RIMS2: variants seen among roughly 807,000 people sequenced by gnomAD.
The protein encoded by RIMS2 is regulating synaptic membrane exocytosis 2, also known as regulating synaptic membrane exocytosis protein 2.
RIMS2 carries 59 observed loss-of-function variants against 174.4 expected under a neutral mutation model. The observed-to-expected ratio is 0.34, with a 90% CI of 0.27 to 0.42. The LOEUF (loss-of-function observed/expected upper bound fraction) is 0.42, where lower values mean the gene tolerates loss of function less well. RIMS2 is among the 10% of genes least tolerant of loss of function. The pLI, the probability that RIMS2 is intolerant of heterozygous loss-of-function variation, is 1.00. For missense variants in RIMS2, 1,620 were observed against 1,666.3 expected (o/e 0.97, Z 0.48); for synonymous variants, 606 against 572.5 (o/e 1.06, Z -0.84).
intron 3 of RIMS2, among the ~76,000 whole-genome samples, chr8:103,857,455 T>G (rs2099034153): frequency 6.6e-6 from 1 of 152,112 alleles, no homozygotes; most frequent in Non-Finnish European, 1.5e-5. Context: ...TATTTAATAT[T>G]GTATTTATTT....
chr8:103,565,830 G>T (rs1319846147), intron 1 of RIMS2, among the ~76,000 whole-genome samples: 1 of 152,176 alleles, frequency 6.6e-6, no homozygotes, highest in East Asian at 1.9e-4. Flanking sequence ...ACCTTTGCGA[G>T]AGAGTTCAAG....
At chr8:104,142,231 G>A (rs1029583079) in intron 19 of RIMS2, among the ~76,000 whole-genome samples, 3 of 150,624 alleles carry the variant, frequency 2.0e-5, no homozygotes, top group Non-Finnish European at 2.9e-5. Flanking sequence ...GGGTTCAAGC[G>A]ATTCTCCTGC....
chr8:103,978,563 A>T (rs187873222), intron 16 of RIMS2, among the ~76,000 whole-genome samples: 1 of 152,256 alleles, frequency 6.6e-6, no homozygotes, highest in Admixed American at 6.5e-5. Context: ...TTGTATGCTC[A>T]TAAGGCCATT....
chr8:103,906,331 G>A (rs752535729), intron 4 of RIMS2, among the ~76,000 whole-genome samples: 2 of 152,080 alleles, frequency 1.3e-5, no homozygotes, highest in African/African-American at 2.4e-5. Flanking sequence ...TGCAACCTCC[G>A]CCTTCCGGGT....
At chr8:103,994,724 A>G (rs1445754142) in intron 17 of RIMS2, among the ~76,000 whole-genome samples, 1 of 152,124 alleles carries the variant, frequency 6.6e-6, no homozygotes, top group Non-Finnish European at 1.5e-5. Context: ...ATGAGTTTTT[A>G]TAGTTTTCAA....
At chr8:103,639,655 T>A (rs2096180023) in intron 1 of RIMS2, among the ~76,000 whole-genome samples, 1 of 151,990 alleles carries the variant, frequency 6.6e-6, no homozygotes, top group Non-Finnish European at 1.5e-5. Flanking sequence ...TAGTATTCTC[T>A]TGTATGGATT....
At chr8:103,864,701 T>C (rs140967142) in intron 3 of RIMS2, among the ~76,000 whole-genome samples, 118 of 152,312 alleles carry the variant, frequency 7.7e-4, no homozygotes, top group African/African-American at 2.6e-3. Flanking sequence ...TTAATTGTAT[T>C]AATTATTCTT....
chr8:103,944,473 G>A (rs1024719258), intron 14 of RIMS2, among the ~76,000 whole-genome samples: 1 of 151,790 alleles, frequency 6.6e-6, no homozygotes, highest in Non-Finnish European at 1.5e-5. Context: ...CTTTTCATTC[G>A]GGACTGGCCT....
chr8:103,967,178 T>A (rs1596007399), intron 15 of RIMS2, among the ~76,000 whole-genome samples: 1 of 124,354 alleles, frequency 8.0e-6, no homozygotes, highest in East Asian at 2.2e-4. Flanking sequence ...TTGTTTTTTT[T>A]TTTTTTTTTT....
intron 3 of RIMS2, among the ~76,000 whole-genome samples, chr8:103,816,834 A>G (rs1007635525): frequency 9.2e-5 from 14 of 152,194 alleles, no homozygotes; most frequent in African/African-American, 2.4e-4. Context: ...TAGTGTTTCC[A>G]TTACTTAGAC....
intron 2 of RIMS2, among the ~76,000 whole-genome samples, chr8:103,761,626 T>G (rs1377511139): frequency 6.6e-6 from 1 of 152,250 alleles, no homozygotes; most frequent in African/African-American, 2.4e-5. Context: ...TATAATTGTA[T>G]GGTCATAGCT....
chr8:104,162,839 G>A (rs1289507795), intron 19 of RIMS2, among the ~76,000 whole-genome samples: 1 of 152,086 alleles, frequency 6.6e-6, no homozygotes, highest in African/African-American at 2.4e-5. Flanking sequence ...AAATTTATAA[G>A]TGCCTTAAGG....
intron 19 of RIMS2, among the ~76,000 whole-genome samples, chr8:104,129,870 A>G (rs2098460499): frequency 6.6e-6 from 1 of 152,182 alleles, no homozygotes; most frequent in Admixed American, 6.5e-5. Flanking sequence ...TACATAGTAG[A>G]TGTACAGATA....
chr8:104,109,839 T>A (rs2098145181), intron 19 of RIMS2, among the ~76,000 whole-genome samples: 1 of 152,196 alleles, frequency 6.6e-6, no homozygotes, highest in Non-Finnish European at 1.5e-5. Context: ...ATAAGGTTTG[T>A]TTCATAGTTT....
At chr8:103,746,119 T>G in intron 2 of RIMS2, among the ~76,000 whole-genome samples, 1 of 152,208 alleles carries the variant, frequency 6.6e-6, no homozygotes, top group East Asian at 1.9e-4. Flanking sequence ...TAAGTTAATT[T>G]TTGTGTATGG....
intron 1 of RIMS2, among the ~76,000 whole-genome samples, chr8:103,660,917 A>G (rs932172460): frequency 9.9e-5 from 15 of 152,218 alleles, no homozygotes; most frequent in Non-Finnish European, 1.9e-4. Context: ...ATAAAAAATG[A>G]AAAGTGCACA....
chr8:103,699,736 C>T (rs1198073417), intron 2 of RIMS2, among the ~76,000 whole-genome samples: 1 of 152,024 alleles, frequency 6.6e-6, no homozygotes, highest in Non-Finnish European at 1.5e-5. Context: ...TAAATGTTCC[C>T]TAAGTACTAC....
intron 19 of RIMS2, among the ~76,000 whole-genome samples, chr8:104,065,089 A>G (rs1012795528): frequency 1.7e-4 from 26 of 152,188 alleles, no homozygotes; most frequent in African/African-American, 6.0e-4. Context: ...TTTCAACAAT[A>G]TATAAACAGA....
chr8:104,137,156 G>C (rs1413511506), intron 19 of RIMS2, among the ~76,000 whole-genome samples: 1 of 152,146 alleles, frequency 6.6e-6, no homozygotes, highest in Non-Finnish European at 1.5e-5. Flanking sequence ...TAGGAAATCT[G>C]AGGGACTGTT....
Sources: gnomAD v4.1 joint callset for allele counts (sites outside exome capture counted in the v4.1 genomes callset) on GRCh38, gnomAD v4.1.1 for gene constraint, MANE v1.5 for transcripts, NCBI Gene and HGNC (gene_info 2026-07-23, HGNC 2026-07-21) for gene names.